Variants in MYO3B observed in about 807,000 individuals in gnomAD.
MYO3B encodes myosin IIIB, also known as myosin-IIIb.
MYO3B carries 156 observed loss-of-function variants against 174.6 expected under a neutral mutation model. The ratio of observed to expected loss-of-function variants is 0.89; its 90% CI spans 0.78 to 1.02. MYO3B has a LOEUF of 1.02. Ranked by LOEUF, MYO3B falls within the 50% of genes least tolerant of loss-of-function variation. The pLI, the probability that MYO3B is intolerant of heterozygous loss-of-function variation, is 0.00. For synonymous variants in MYO3B, 563 were observed against 569.1 expected, an observed-to-expected ratio of 0.99 and a Z score of 0.15; for missense variants, 1,632 against 1,639.4, an observed-to-expected ratio of 1.00 and a Z score of 0.08.
intron 25 of MYO3B, among the ~76,000 whole-genome samples, chr2:170,492,159 C>T (rs1419787686): frequency 6.6e-6 from 1 of 152,152 alleles, no homozygotes; most frequent in East Asian, 1.9e-4. Flanking sequence ...ACTCTATTGT[C>T]CTATGAATTA....
At chr2:170,429,175 A>G (rs2094688636) in intron 22 of MYO3B, among the ~76,000 whole-genome samples, 2 of 152,230 alleles carry the variant, frequency 1.3e-5, no homozygotes, top group Admixed American at 6.5e-5. Context: ...TTTAATTTGC[A>G]GTGATCAGTT....
chr2:170,252,848 G>A (rs2093267782), intron 7 of MYO3B, among the ~76,000 whole-genome samples: 1 of 152,124 alleles, frequency 6.6e-6, no homozygotes, highest in Admixed American at 6.5e-5. Context: ...AAGGTCCTGA[G>A]GTGGGAATGA....
intron 16 of MYO3B, among the ~76,000 whole-genome samples, chr2:170,394,456 G>GTTAAGTATATGTCCT (rs2094432963): frequency 6.6e-6 from 1 of 152,138 alleles, no homozygotes; most frequent in Non-Finnish European, 1.5e-5. Context: ...AATTAAGTAT[G>GTTAAGTATATGTCCT]TTAAGTATAT....
At chr2:170,534,602 C>A (rs570350875) in intron 30 of MYO3B, among the ~76,000 whole-genome samples, 3 of 152,086 alleles carry the variant, frequency 2.0e-5, no homozygotes, top group East Asian at 1.9e-4. Flanking sequence ...TGCGCCACCA[C>A]GCCTGACTAA....
At chr2:170,372,007 G>A (rs1340308294) in intron 9 of MYO3B, among the ~76,000 whole-genome samples, 1 of 149,986 alleles carries the variant, frequency 6.7e-6, no homozygotes, top group African/African-American at 2.4e-5. Context: ...CATGCCTGTA[G>A]TCCCCGGAGG....
chr2:170,494,473 A>G (rs1017916237), intron 25 of MYO3B, among the ~76,000 whole-genome samples: 2 of 152,168 alleles, frequency 1.3e-5, no homozygotes, highest in Admixed American at 6.5e-5. Flanking sequence ...CATGCCTGTA[A>G]TCTCAGCACT....
At chr2:170,580,109 T>G (rs1390346032) in intron 32 of MYO3B, among the ~76,000 whole-genome samples, 1 of 152,200 alleles carries the variant, frequency 6.6e-6, no homozygotes, top group Non-Finnish European at 1.5e-5. Context: ...ATATTAGAGT[T>G]AAAAAGAATG....
At chr2:170,629,628 T>C (rs1006836188) in intron 32 of MYO3B, among the ~76,000 whole-genome samples, 3 of 152,148 alleles carry the variant, frequency 2.0e-5, no homozygotes, top group Non-Finnish European at 4.4e-5. Flanking sequence ...GGCAGGTGGA[T>C]TGCCTGAGCT....
Position 170,506,232 on chromosome 2 carries a change from C to T in MYO3B, c.3370+4367C>T, listed in dbSNP as rs1226053430. On this transcript the variant is annotated intron_variant, in intron 28 of 34. Transcript: ENST00000408978. ...TGCTACCAGAAGAGAAAGCAAACAT[C>T]GTATCCAGACAGCCTGACCCTACTT... Among the ~76,000 whole-genome samples, 7 of 152,338 alleles carry T rather than the reference C, an allele frequency of 4.6e-5. No homozygotes were observed. In the South Asian group the frequency reaches 1.2e-3, roughly 27 times the overall value.
Position 170,653,813 on chromosome 2 carries a change from G to A in MYO3B, c.*692G>A, listed in dbSNP as rs1360217101. ...TTGCCAAGACACCCACACTACTTTG[G>A]TGATGAAAAGAAAGGAATGAGAGGG... On this transcript the variant is annotated 3_prime_UTR_variant, in exon 35 of 35. Coordinates refer to ENST00000408978, the MANE Select transcript of MYO3B (RefSeq NM_138995.5). 2.0e-5 allele frequency: 3 copies of A among 152,196 alleles called. No individual in the cohort carries two copies. Among genetic ancestry groups the A allele is most frequent in the Admixed American group, 6.5e-5 (1 of 15,276 alleles). 9.4% of individuals were successfully genotyped at this position (152,196 alleles called of 1,614,324 possible). A position where few individuals can be genotyped will look rare whatever the true frequency, so the allele number is the denominator to read the frequency against.
intron 32 of MYO3B, among the ~76,000 whole-genome samples, chr2:170,584,076 A>G (rs1432574012): frequency 1.3e-5 from 2 of 152,240 alleles, no homozygotes; most frequent in African/African-American, 2.4e-5. Flanking sequence ...AAACAAAAAT[A>G]TAGTGACACC....
At chr2:170,458,349 T>C (rs55907814) in intron 23 of MYO3B, among the ~76,000 whole-genome samples, 21,838 of 152,130 alleles carry the variant, frequency 0.14, 1,724 homozygotes, top group East Asian at 0.27. Context: ...GGCACATGAG[T>C]GTAACAGGTG....
At chr2:170,615,268 G>A (rs1469377825) in intron 32 of MYO3B, among the ~76,000 whole-genome samples, 1 of 152,212 alleles carries the variant, frequency 6.6e-6, no homozygotes, top group Non-Finnish European at 1.5e-5. Context: ...AGGCACTGAA[G>A]GAAAAGCTGT....
At chr2:170,247,177 GA>G (rs2093200625) in intron 7 of MYO3B, among the ~76,000 whole-genome samples, 1 of 152,156 alleles carries the variant, frequency 6.6e-6, no homozygotes. Flanking sequence ...CTTCCAGAAT[GA>G]AGTACAGAAT....
chr2:170,422,463 T>TC (rs1181761986), intron 22 of MYO3B, among the ~76,000 whole-genome samples: 1 of 38,120 alleles, frequency 2.6e-5, no homozygotes, highest in African/African-American at 1.1e-4. Context: ...TATTAGCCAC[T>TC]TTTTTTTTTT....
chr2:170,313,522 A>G (rs17496942), intron 7 of MYO3B, among the ~76,000 whole-genome samples: 60,496 of 152,150 alleles, frequency 0.4, 14,259 homozygotes, highest in East Asian at 0.63. Flanking sequence ...TGATCCAGTG[A>G]TAGCATCTCT....
chr2:170,621,229 G>A (rs1226576218), intron 32 of MYO3B, among the ~76,000 whole-genome samples: 1 of 152,170 alleles, frequency 6.6e-6, no homozygotes, highest in African/African-American at 2.4e-5. Context: ...CAGGACAACA[G>A]TTGTCACATA....
rs139311800 is a variant in MYO3B at position 170,580,712 on chromosome 2, T to TTATATA, written c.3733+36726_3733+36731dup. ...TATAAGCTTCAGGTCCCACAAAACCTTATATATGTGTGTGTGTGTGTGTGT... is the reference window on the plus strand; with the variant it reads ...TATAAGCTTCAGGTCCCACAAAACCTTATATATATATATGTGTGTGTGTGTGTGTGT... On this transcript the variant is annotated intron_variant, in intron 32 of 34. Coordinates refer to ENST00000408978, the MANE Select transcript of MYO3B (RefSeq NM_138995.5). Among the ~76,000 whole-genome samples, 4,320 of 135,924 alleles carry TTATATA rather than the reference T, an allele frequency of 0.032. 276 individuals are homozygous for TTATATA. In the East Asian group the frequency reaches 0.36, roughly 11 times the overall value. The allele number at this position is 135,924 out of a possible 152,430, so 89.2% of individuals were successfully genotyped here. A position where few individuals can be genotyped will look rare whatever the true frequency, so the allele number is the denominator to read the frequency against.
At chr2:170,310,665 C>CAAAAAAAAAAAAAA (rs746315736) in intron 7 of MYO3B, among the ~76,000 whole-genome samples, 3 of 61,450 alleles carry the variant, frequency 4.9e-5, no homozygotes, top group Non-Finnish European at 7.9e-5. Context: ...GACTCCATCT[C>CAAAAAAAAAAAAAA]AAAAAAAAAA....
Sources: gnomAD v4.1 joint callset for allele counts (sites outside exome capture counted in the v4.1 genomes callset) on GRCh38, gnomAD v4.1.1 for gene constraint, MANE v1.5 for transcripts, NCBI Gene and HGNC (gene_info 2026-07-23, HGNC 2026-07-21) for gene names.